Variants in SHOC2 observed in about 807,000 individuals in gnomAD.
The protein encoded by SHOC2 is SHOC2 leucine rich repeat scaffold protein.
Under a neutral mutation model 50.2 loss-of-function variants are expected in SHOC2, and 4 were observed. That is an observed-to-expected ratio of 0.08 (90% CI 0.04 to 0.18). The LOEUF (loss-of-function observed/expected upper bound fraction) is 0.18. Ranked by LOEUF, SHOC2 falls within the 10% of genes least tolerant of loss-of-function variation. The pLI is 1.00. For synonymous variants in SHOC2, 218 were observed against 244.5 expected, an observed-to-expected ratio of 0.89 and a Z score of 1.01; for missense variants, 388 against 669.6, an observed-to-expected ratio of 0.58 and a Z score of 4.64.
At chr10:110,946,711 T>A (rs1229088433) in intron 1 of SHOC2, among the ~76,000 whole-genome samples, 1 of 151,998 alleles carries the variant, frequency 6.6e-6, no homozygotes, top group African/African-American at 2.4e-5. Flanking sequence ...AAGATTAATA[T>A]GAATGGAATG....
rs145766720 is a variant in SHOC2 at position 110,999,116 on chromosome 10, G to T, written c.842-1299G>T. ...TCCAAAAAGTTAAGTGTTGACACAG[G>T]CTTCCACTTCTGTAATTTCTAACAC... is the stretch of plus-strand genomic sequence containing the variant. On this transcript the variant is annotated intron_variant, in intron 3 of 8. Transcript: ENST00000369452. Among the ~76,000 whole-genome samples the T allele has an allele frequency of 1.3e-3, 205 of 152,292 alleles. 1 individual carries two copies. Among genetic ancestry groups the T allele is most frequent in the African/African-American group, 4.7e-3 (195 of 41,564 alleles).
intron 1 of SHOC2, among the ~76,000 whole-genome samples, chr10:110,934,179 ATTAG>A (rs1164649412): frequency 6.6e-6 from 1 of 152,220 alleles, no homozygotes; most frequent in African/African-American, 2.4e-5. Context: ...TAAAATGCAT[ATTAG>A]TTTGGACCTG....
intron 1 of SHOC2, among the ~76,000 whole-genome samples, chr10:110,929,624 C>T (rs1277052541): frequency 6.6e-6 from 1 of 152,180 alleles, no homozygotes; most frequent in South Asian, 2.1e-4. Context: ...TGAAGAGTCT[C>T]TTACAGGTCT....
chr10:110,961,326 A>G (rs529022248), intron 1 of SHOC2, among the ~76,000 whole-genome samples: 1 of 152,312 alleles, frequency 6.6e-6, no homozygotes, highest in South Asian at 2.1e-4. Context: ...TTTCCAAGAA[A>G]CATGAAAGAT....
At chr10:110,952,075 C>T (rs772514171) in intron 1 of SHOC2, among the ~76,000 whole-genome samples, 7 of 152,108 alleles carry the variant, frequency 4.6e-5, no homozygotes, top group Non-Finnish European at 8.8e-5. Context: ...CTACTAGTTT[C>T]TCTTAAATAT....
chr10:110,949,696 A>G (rs1301116744), intron 1 of SHOC2, among the ~76,000 whole-genome samples: 1 of 152,206 alleles, frequency 6.6e-6, no homozygotes, highest in Non-Finnish European at 1.5e-5. Flanking sequence ...AAATACTACT[A>G]AACTGAATTC....
chr10:110,973,497 C>A lies in SHOC2; in HGVS notation c.703+8436C>A, dbSNP rs369885046. On this transcript the variant is annotated intron_variant, in intron 2 of 8. Coordinates refer to ENST00000369452, the MANE Select transcript of SHOC2 (RefSeq NM_007373.4). ...AGATATTGATCTGTAATTTTATTTT[C>A]TTTTTTAAAAATTTTGATCATGGTT... Among the ~76,000 whole-genome samples, 12 of 151,604 alleles carry A rather than the reference C, an allele frequency of 7.9e-5. No individual in the cohort carries two copies. The South Asian group carries it at 1.2e-3, about 16-fold the overall frequency.
intron 3 of SHOC2, among the ~76,000 whole-genome samples, chr10:110,996,484 C>T (rs922628465): frequency 7.9e-5 from 12 of 151,250 alleles, no homozygotes; most frequent in Non-Finnish European, 1.3e-4. Flanking sequence ...GCCATGATTG[C>T]GCCACTGCAT....
chr10:110,931,767 T>C (rs1012718902), intron 1 of SHOC2, among the ~76,000 whole-genome samples: 5 of 152,194 alleles, frequency 3.3e-5, no homozygotes, highest in Non-Finnish European at 7.4e-5. Context: ...TAAAAATTGC[T>C]GTCTAGAATG....
intron 1 of SHOC2, chr10:110,937,027 G>A (rs1847035803): frequency 2.0e-6 from 3 of 1,482,338 alleles, no homozygotes; most frequent in Non-Finnish European, 2.8e-6. Flanking sequence ...AGTGGTAGGG[G>A]CGTCGGAAAG....
chr10:110,978,672 T>C (rs1847919262), intron 2 of SHOC2, among the ~76,000 whole-genome samples: 1 of 152,210 alleles, frequency 6.6e-6, no homozygotes, highest in South Asian at 2.1e-4. Flanking sequence ...CCTTGCAGTC[T>C]CCTCTCCCAC....
chr10:110,944,996 T>C (rs901262579), intron 1 of SHOC2, among the ~76,000 whole-genome samples: 1 of 152,188 alleles, frequency 6.6e-6, no homozygotes, highest in Non-Finnish European at 1.5e-5. Context: ...TCCTTGAGCA[T>C]GTACACAGCC....
intron 1 of SHOC2, chr10:110,937,031 C>G: frequency 1.3e-6 from 2 of 1,482,928 alleles, no homozygotes; most frequent in African/African-American, 1.4e-5. Flanking sequence ...GTAGGGGCGT[C>G]GGAAAGGGTT....
intron 2 of SHOC2, among the ~76,000 whole-genome samples, chr10:110,967,541 G>A (rs1847699771): frequency 6.6e-6 from 1 of 152,118 alleles, no homozygotes; most frequent in African/African-American, 2.4e-5. Flanking sequence ...AGAATATTCA[G>A]ATTTATGTAA....
chr10:110,940,996 A>G (rs963579354), intron 1 of SHOC2, among the ~76,000 whole-genome samples: 2 of 141,704 alleles, frequency 1.4e-5, no homozygotes, highest in Non-Finnish European at 3.0e-5. Flanking sequence ...AGTTAGCACA[A>G]TCTCTACTCA....
intron 3 of SHOC2, among the ~76,000 whole-genome samples, chr10:110,988,045 G>A (rs1427130379): frequency 6.6e-6 from 1 of 152,086 alleles, no homozygotes; most frequent in African/African-American, 2.4e-5. Flanking sequence ...ATTTTATAAT[G>A]TTTCCCTGAA....
intron 2 of SHOC2, 119 bp from the exon 3 acceptor site, chr10:110,985,509 A>G (rs1848060651): frequency 1.4e-6 from 1 of 695,252 alleles, no homozygotes; most frequent in Non-Finnish European, 2.4e-6. Context: ...CCTATCTAAT[A>G]AGGTTATGTT....
At chr10:110,929,314 A>G (rs919646699) in intron 1 of SHOC2, among the ~76,000 whole-genome samples, 12 of 152,068 alleles carry the variant, frequency 7.9e-5, no homozygotes, top group African/African-American at 2.9e-4. Flanking sequence ...TAATGTCAAC[A>G]TTTTTTTCTT....
At chr10:110,977,002 T>C (rs1376655675) in intron 2 of SHOC2, among the ~76,000 whole-genome samples, 1 of 152,214 alleles carries the variant, frequency 6.6e-6, no homozygotes, top group Non-Finnish European at 1.5e-5. Flanking sequence ...ATATCATTTC[T>C]TCTTCAGTGT....
Sources: gnomAD v4.1 joint callset for allele counts (sites outside exome capture counted in the v4.1 genomes callset) on GRCh38, gnomAD v4.1.1 for gene constraint, MANE v1.5 for transcripts, NCBI Gene and HGNC (gene_info 2026-07-23, HGNC 2026-07-21) for gene names.